PLXNC1: variants seen among roughly 807,000 people sequenced by gnomAD.
The protein encoded by PLXNC1 is plexin-C1.
PLXNC1 carries 75 observed loss-of-function variants against 178.2 expected under a neutral mutation model. That is an observed-to-expected ratio of 0.42 (90% confidence interval 0.35 to 0.51). The LOEUF (loss-of-function observed/expected upper bound fraction) is 0.51, where lower values mean the gene tolerates loss of function less well. Ranked by LOEUF, PLXNC1 falls within the 20% of genes least tolerant of loss-of-function variation. The pLI is 0.02. For missense variants in PLXNC1, 1,503 were observed against 1,984.4 expected (o/e 0.76, Z 4.61); for synonymous variants, 790 against 779.9 (o/e 1.01, Z -0.22).
At chr12:94,216,001 C>T (rs2136012963) in intron 5 of PLXNC1, among the ~76,000 whole-genome samples, 1 of 152,256 alleles carries the variant, frequency 6.6e-6, no homozygotes, top group Non-Finnish European at 1.5e-5. Context: ...CATGGTGGCT[C>T]ATGCCTGTAA....
intron 3 of PLXNC1, chr12:94,186,079 T>TG (rs1048156619): frequency 3.8e-6 from 1 of 265,650 alleles, no homozygotes; most frequent in African/African-American, 2.2e-5. Flanking sequence ...CCCTGTGTCT[T>TG]TAAGAAAAAA....
rs1430975649 is a variant in PLXNC1 at position 94,259,257 on chromosome 12, G to A, written c.3088-80G>A. 2.9e-5 allele frequency: 30 copies of A among 1,037,112 alleles called. No individual in the cohort carries two copies. The South Asian group carries it at 3.6e-4, about 12-fold the overall frequency. 64.2% of individuals were successfully genotyped at this position (1,037,112 alleles called of 1,614,324 possible). On this transcript the variant is annotated intron_variant, in intron 17 of 30. Coordinates refer to ENST00000258526, the MANE Select transcript of PLXNC1 (RefSeq NM_005761.3). ...AATAGTGTCTCTACTTTATTAAAAC[G>A]GACTTGGGTATTATAACAAAAATAC...
At position 94,294,506 on chromosome 12, in the gene PLXNC1, A is replaced by G. The variant is rs199500866; in HGVS notation, c.3900A>G (p.Ile1300Met). 2 of 1,323,614 alleles carry G rather than the reference A, an allele frequency of 1.5e-6. No individual in the cohort carries two copies. Among genetic ancestry groups the G allele is most frequent in the East Asian group, 2.3e-5 (1 of 42,632 alleles). 82.0% of individuals were successfully genotyped at this position (1,323,614 alleles called of 1,614,324 possible). The change falls in exon 24 of 31, where the codon ATA (isoleucine) becomes ATG (methionine). Residue 1300 changes from isoleucine (I) to methionine (M), a missense_variant. Around this residue, in one of 4 missense-constraint regions of PLXNC1, gnomAD observed 639 missense variants for 979.7 expected, o/e 0.65. Coordinates refer to ENST00000258526, the MANE Select transcript of PLXNC1 (RefSeq NM_005761.3). Reference protein sequence around the residue: ...GHYEISNGSTIKVFKKIANFT... With the variant: ...GHYEISNGSTMKVFKKIANFT... ...TTCAGATATCAAATGGATCCACTAT[A>G]AAAGTCTTTAAGAAGATAGCAAATT...
chr12:94,244,195 T>C (rs1964467897), intron 12 of PLXNC1, among the ~76,000 whole-genome samples, 170 bp downstream of exon 12: 1 of 152,230 alleles, frequency 6.6e-6, no homozygotes, highest in Admixed American at 6.5e-5. Context: ...TAAGACCTTA[T>C]CCTTGTAGCT....
chr12:94,176,018 A>T (rs1229569693), intron 2 of PLXNC1, among the ~76,000 whole-genome samples: 1 of 152,222 alleles, frequency 6.6e-6, no homozygotes, highest in African/African-American at 2.4e-5. Flanking sequence ...ATACACATGG[A>T]GAAGGTTCAG....
chr12:94,214,041 A>G (rs541363173), intron 5 of PLXNC1, among the ~76,000 whole-genome samples: 260 of 151,990 alleles, frequency 1.7e-3, no homozygotes, highest in Non-Finnish European at 3.0e-3. Context: ...TAATTGGAAT[A>G]AAAGTATTCC....
At chr12:94,214,655 A>C in intron 5 of PLXNC1, among the ~76,000 whole-genome samples, 1 of 152,340 alleles carries the variant, frequency 6.6e-6, no homozygotes, top group African/African-American at 2.4e-5. Flanking sequence ...AATATCAATA[A>C]CCTTACTACA....
chr12:94,185,587 A>G (rs1962479194), intron 3 of PLXNC1, among the ~76,000 whole-genome samples: 1 of 152,110 alleles, frequency 6.6e-6, no homozygotes. Flanking sequence ...TTTCCTGACA[A>G]TGGCAAGAGG....
chr12:94,214,071 G>C (rs377617858), intron 5 of PLXNC1, among the ~76,000 whole-genome samples: 4 of 146,918 alleles, frequency 2.7e-5, no homozygotes, highest in African/African-American at 9.9e-5. Flanking sequence ...ATGGTTCCTA[G>C]AGGAGAGACA....
chr12:94,149,670 C>T lies in PLXNC1; in HGVS notation c.699C>T (p.His233=), dbSNP rs769486948. 9 of 1,609,334 alleles carry T rather than the reference C, an allele frequency of 5.6e-6. No homozygotes were observed. Among genetic ancestry groups the T allele is most frequent in the Middle Eastern group, 1.7e-4 (1 of 6,052 alleles). The change falls in exon 1 of 31, where the codon CAC becomes CAT. Residue 233 remains histidine (H), a synonymous_variant. Transcript: ENST00000258526. The part of the protein sequence containing the change: ...LKLCEGAGSL[H]FVDAFLWNGS... ...TGTGCGAGGGCGCGGGCAGCCTGCA[C>T]TTCGTGGACGCCTTTCTCTGGAACG...
At chr12:94,153,611 G>A (rs1246779168) in intron 1 of PLXNC1, among the ~76,000 whole-genome samples, 4 of 152,184 alleles carry the variant, frequency 2.6e-5, no homozygotes, top group African/African-American at 9.7e-5. Flanking sequence ...CCATTGTTGG[G>A]TTCTGGGGTC....
chr12:94,277,662 C>A lies in PLXNC1; in HGVS notation c.3598-1810C>A, dbSNP rs75019115. 4.5e-4 allele frequency: 143 copies of A among 318,024 alleles called. 1 individual carries two copies. The highest frequency in any genetic ancestry group is 1.1e-3 in the Admixed American group (23 of 21,194). The allele number at this position is 318,024 out of a possible 1,614,324, so 19.7% of individuals were successfully genotyped here. A position where few individuals can be genotyped will look rare whatever the true frequency, so the allele number is the denominator to read the frequency against. On this transcript the variant is annotated intron_variant, in intron 21 of 30. Coordinates refer to ENST00000258526, the MANE Select transcript of PLXNC1 (RefSeq NM_005761.3). ...CTGGGTTCATTGCTGGCAGCCTCCT[C>A]CTTATTCAGAGATACTGAGCATGGA...
chr12:94,209,780 G>A (rs1963411266), intron 5 of PLXNC1, 76 bp downstream of exon 5: 2 of 887,348 alleles, frequency 2.3e-6, no homozygotes, highest in African/African-American at 1.7e-5. Flanking sequence ...TCTTCTGTGT[G>A]TAAAATATCC....
intron 21 of PLXNC1, chr12:94,278,094 CTTCT>C (rs962159737): frequency 2.2e-6 from 1 of 455,474 alleles, no homozygotes; most frequent in African/African-American, 2.0e-5. Context: ...GAGCATCTTC[CTTCT>C]GTCTTCTCCC....
At chr12:94,253,209 C>CAA (rs1964745038) in intron 15 of PLXNC1, among the ~76,000 whole-genome samples, 4 of 22,040 alleles carry the variant, frequency 1.8e-4, no homozygotes, top group East Asian at 3.9e-3. Flanking sequence ...GACTCCGTCT[C>CAA]AGAAAAAAAA....
intron 4 of PLXNC1, among the ~76,000 whole-genome samples, chr12:94,202,073 T>C (rs941996787): frequency 1.3e-5 from 2 of 152,142 alleles, no homozygotes; most frequent in African/African-American, 4.8e-5. Flanking sequence ...CCTACTACTC[T>C]TGACCCGACT....
chr12:94,221,048 T>A (rs1301860353), intron 6 of PLXNC1, among the ~76,000 whole-genome samples: 1 of 152,214 alleles, frequency 6.6e-6, no homozygotes, highest in Admixed American at 6.5e-5. Flanking sequence ...CGAGCTGTGA[T>A]GAAACACTGA....
intron 4 of PLXNC1, among the ~76,000 whole-genome samples, 167 bp from the exon 5 acceptor site, chr12:94,209,422 GT>G (rs1322820423): frequency 1.3e-5 from 2 of 152,190 alleles, no homozygotes; most frequent in African/African-American, 4.8e-5. Flanking sequence ...GCTTTTCATG[GT>G]TTTAGCATCA....
At chr12:94,201,318 T>C (rs1963109003) in intron 4 of PLXNC1, among the ~76,000 whole-genome samples, 1 of 152,258 alleles carries the variant, frequency 6.6e-6, no homozygotes, top group South Asian at 2.1e-4. Flanking sequence ...GTGTGAGCAA[T>C]GCCAAAGGGC....
Sources: gnomAD v4.1 joint callset for allele counts (sites outside exome capture counted in the v4.1 genomes callset) on GRCh38, gnomAD v4.1.1 for gene constraint, gnomAD v4.1.1 regional missense constraint, MANE v1.5 for transcripts, NCBI Gene and HGNC (gene_info 2026-07-23, HGNC 2026-07-21) for gene names.